DACH2: variants seen among roughly 807,000 people sequenced by gnomAD.
The protein encoded by DACH2 is dachshund family transcription factor 2, also known as dachshund homolog 2.
A neutral mutation model predicts 35.8 loss-of-function variants in DACH2; 17 were observed. That is an observed-to-expected ratio of 0.48 (90% CI 0.33 to 0.71). The LOEUF (loss-of-function observed/expected upper bound fraction) is 0.71. DACH2 is among the 30% of genes least tolerant of loss of function. DACH2 has a pLI of 0.02. For missense variants in DACH2, 469 were observed against 472.7 expected, an observed-to-expected ratio of 0.99 and a Z score of 0.07; for synonymous variants, 195 against 177.3, an observed-to-expected ratio of 1.10 and a Z score of -0.79.
intron 2 of DACH2, among the ~76,000 whole-genome samples, chrX:86,479,643 G>C (rs5967735): frequency 0.23 from 25,553 of 110,363 alleles, 2,457 homozygotes; most frequent in East Asian, 0.49. Context: ...GGTCCTCTGG[G>C]CAAGCTTCAA....
rs764349763 is a variant in DACH2, at chrX:86,530,085, A to G, written c.640+15694A>G. Among the ~76,000 whole-genome samples, 7 of 110,939 alleles carry G rather than the reference A, an allele frequency of 6.3e-5. No homozygotes were observed. In the Admixed American group the frequency reaches 6.8e-4, roughly 11 times the overall value. ...ATTGACTTTTTTGTGAAAGATAACT[A>G]AAGTGAACAAGGGCATAGAGAAGCT... On this transcript the variant is annotated intron_variant, in intron 3 of 11. Transcript: ENST00000373125.
At chrX:86,597,141 A>G (rs2039723170) in intron 3 of DACH2, among the ~76,000 whole-genome samples, 2 of 111,812 alleles carry the variant, frequency 1.8e-5, no homozygotes, top group Non-Finnish European at 3.8e-5. Flanking sequence ...CATATGAATT[A>G]TATGTTTGGG....
At chrX:86,311,223 G>C (rs1302077672) in intron 1 of DACH2, among the ~76,000 whole-genome samples, 3 of 112,049 alleles carry the variant, frequency 2.7e-5, no homozygotes, top group Non-Finnish European at 3.8e-5. Context: ...CAATGCTTCT[G>C]CCAAGATTAC....
At chrX:86,515,237 G>A (rs1430608916) in intron 3 of DACH2, among the ~76,000 whole-genome samples, 2 of 110,717 alleles carry the variant, frequency 1.8e-5, no homozygotes, top group African/African-American at 6.6e-5. Flanking sequence ...ATTAATAATT[G>A]CATTAAAGTG....
chrX:86,161,085 A>G, intron 1 of DACH2: 1 of 1,081,160 alleles, frequency 9.2e-7, no homozygotes, highest in Non-Finnish European at 1.3e-6. Context: ...AATTGGCACA[A>G]ATGCTACTGT....
intron 2 of DACH2, among the ~76,000 whole-genome samples, chrX:86,405,456 C>A (rs1052591257): frequency 9.0e-6 from 1 of 111,612 alleles, no homozygotes; most frequent in South Asian, 3.8e-4. Context: ...TAGTTCCCAA[C>A]AAGCTTTTCA....
intron 3 of DACH2, among the ~76,000 whole-genome samples, chrX:86,605,051 A>G (rs1049292924): frequency 9.0e-6 from 1 of 111,677 alleles, no homozygotes; most frequent in Non-Finnish European, 1.9e-5. Context: ...AACCTTGAGT[A>G]AGGCTCTTCT....
intron 7 of DACH2, among the ~76,000 whole-genome samples, chrX:86,767,888 G>A (rs1161922705): frequency 8.9e-6 from 1 of 111,750 alleles, no homozygotes; most frequent in Admixed American, 9.5e-5. Flanking sequence ...CATAAAGTAT[G>A]TTACAGACAA....
chrX:86,396,232 G>A lies in DACH2; in HGVS notation c.527+19370G>A, dbSNP rs770932507. ...TGTCCTTCGCCCGCTTTTTGATGGGGTTGTTTGTTTTTTTCTTGTAAATTT... is the reference window on the plus strand; with the variant it reads ...TGTCCTTCGCCCGCTTTTTGATGGGATTGTTTGTTTTTTTCTTGTAAATTT... On this transcript the variant is annotated intron_variant, in intron 2 of 11. Transcript: ENST00000373125. Among the ~76,000 whole-genome samples, 21 of 108,463 alleles carry A rather than the reference G, an allele frequency of 1.9e-4. No individual in the cohort carries two copies. In the East Asian group the frequency reaches 4.6e-3, roughly 24 times the overall value. 94.2% of individuals were successfully genotyped at this position (108,463 alleles called of 115,157 possible).
At position 86,651,172 on chromosome X, in the gene DACH2, G is replaced by T; in HGVS notation, c.772+5G>T. The T allele has an allele frequency of 1.7e-6, 2 of 1,204,712 alleles. No individual in the cohort carries two copies. The highest frequency in any genetic ancestry group is 1.1e-6 in the Non-Finnish European group (1 of 892,547). ...ATGATCTTAATTCTAACACAGGTGAGTGTCTTCCAGAATCCCAGACCAATG... is the reference window on the plus strand; with the variant it reads ...ATGATCTTAATTCTAACACAGGTGATTGTCTTCCAGAATCCCAGACCAATG... On this transcript the variant is annotated splice_donor_5th_base_variant and intron_variant, in intron 4 of 11. Coordinates refer to ENST00000373125, the MANE Select transcript of DACH2 (RefSeq NM_053281.3).
At chrX:86,640,398 C>A (rs1027538942) in intron 3 of DACH2, among the ~76,000 whole-genome samples, 21 of 111,518 alleles carry the variant, frequency 1.9e-4, no homozygotes, top group Admixed American at 1.8e-3. Context: ...TCCCCCATGC[C>A]CCACACAACT....
intron 1 of DACH2, among the ~76,000 whole-genome samples, chrX:86,343,860 T>TA (rs992681450): frequency 1.8e-5 from 2 of 110,848 alleles, no homozygotes; most frequent in African/African-American, 3.3e-5. Context: ...ATCCATATTT[T>TA]AAAAAAATTT....
chrX:86,783,832 G>A (rs59418581), intron 7 of DACH2, among the ~76,000 whole-genome samples: 1 of 111,373 alleles, frequency 9.0e-6, no homozygotes, highest in Non-Finnish European at 1.9e-5. Flanking sequence ...GGCTACCAGA[G>A]GGTGATAAGG....
intron 2 of DACH2, among the ~76,000 whole-genome samples, chrX:86,420,593 C>T (rs190237400): frequency 1.3e-4 from 15 of 111,445 alleles, no homozygotes; most frequent in African/African-American, 3.9e-4. Flanking sequence ...ATTTTCCCAG[C>T]GGCTTACTTT....
intron 3 of DACH2, among the ~76,000 whole-genome samples, chrX:86,567,650 G>A (rs17318595): frequency 0.33 from 35,990 of 110,576 alleles, 4,664 homozygotes; most frequent in Middle Eastern, 0.46. Flanking sequence ...GTACAGTGCC[G>A]TGCTTATTGT....
chrX:86,539,826 T>C (rs762158378), intron 3 of DACH2, among the ~76,000 whole-genome samples: 41 of 111,566 alleles, frequency 3.7e-4, no homozygotes, highest in African/African-American at 1.3e-3. Flanking sequence ...GCATAGTGTC[T>C]GGCATAGTAA....
At chrX:86,498,992 A>T (rs1045067882) in intron 2 of DACH2, among the ~76,000 whole-genome samples, 4 of 112,097 alleles carry the variant, frequency 3.6e-5, no homozygotes, top group African/African-American at 1.3e-4. Flanking sequence ...TTACCCGTGT[A>T]CTTAGAGACC....
chrX:86,640,077 C>T (rs1054747658), intron 3 of DACH2, among the ~76,000 whole-genome samples: 8 of 110,903 alleles, frequency 7.2e-5, no homozygotes, highest in East Asian at 5.8e-4. Flanking sequence ...GAGACTGGAG[C>T]GGGCCCCAAG....
chrX:86,481,732 T>A (rs945247608), intron 2 of DACH2: 2 of 111,817 alleles, frequency 1.8e-5, no homozygotes, highest in Non-Finnish European at 3.8e-5. Context: ...CTGAAATGAA[T>A]CTGGAAGATC....
Sources: gnomAD v4.1 joint callset for allele counts (sites outside exome capture counted in the v4.1 genomes callset) on GRCh38, gnomAD v4.1.1 for gene constraint, MANE v1.5 for transcripts, NCBI Gene and HGNC (gene_info 2026-07-23, HGNC 2026-07-21) for gene names.